Variants in DOCK3 observed in about 807,000 individuals in gnomAD.
The protein encoded by DOCK3 is dedicator of cytokinesis protein 3.
Under a neutral mutation model 265.6 loss-of-function variants are expected in DOCK3, and 60 were observed. The ratio of observed to expected loss-of-function variants is 0.23; its 90% CI spans 0.18 to 0.28. The LOEUF (loss-of-function observed/expected upper bound fraction) is 0.28. Ranked by LOEUF, DOCK3 falls within the 10% of genes least tolerant of loss-of-function variation. DOCK3 has a pLI of 1.00. For synonymous variants in DOCK3, 881 were observed against 938.0 expected (o/e 0.94, Z 1.11); for missense variants, 1,981 against 2,594.3 (o/e 0.76, Z 5.14).
At chr3:51,266,184 C>T (rs1010508203) in intron 23 of DOCK3, among the ~76,000 whole-genome samples, 6 of 152,156 alleles carry the variant, frequency 3.9e-5, no homozygotes, top group African/African-American at 7.2e-5. Context: ...AGAGAGGACA[C>T]AGACAAATGG....
chr3:50,868,399 A>T, intron 3 of DOCK3, among the ~76,000 whole-genome samples: 1 of 151,664 alleles, frequency 6.6e-6, no homozygotes, highest in East Asian at 1.9e-4. Flanking sequence ...TGGAGACAGG[A>T]TCTCACTCTG....
chr3:51,321,505 G>A (rs917808286), intron 32 of DOCK3, among the ~76,000 whole-genome samples: 2 of 152,130 alleles, frequency 1.3e-5, no homozygotes, highest in Non-Finnish European at 2.9e-5. Context: ...AGTAGGCTTT[G>A]GAAGGTGGGT....
chr3:51,190,720 A>G (rs2087890514), intron 12 of DOCK3, among the ~76,000 whole-genome samples: 1 of 152,140 alleles, frequency 6.6e-6, no homozygotes, highest in South Asian at 2.1e-4. Context: ...CTGGTTTCTC[A>G]GGTGAGGGGT....
chr3:50,871,916 T>C (rs993993519), intron 3 of DOCK3, among the ~76,000 whole-genome samples: 1 of 152,224 alleles, frequency 6.6e-6, no homozygotes, highest in Non-Finnish European at 1.5e-5. Flanking sequence ...TAAATTTACC[T>C]GATAGAATTC....
At chr3:51,279,217 G>A (rs528368145) in intron 26 of DOCK3, among the ~76,000 whole-genome samples, 8 of 152,192 alleles carry the variant, frequency 5.3e-5, no homozygotes, top group East Asian at 3.9e-4. Flanking sequence ...ATGCCATTGC[G>A]CTCCAGACTG....
At chr3:51,199,097 C>A (rs2088520596) in intron 12 of DOCK3, among the ~76,000 whole-genome samples, 1 of 152,142 alleles carries the variant, frequency 6.6e-6, no homozygotes, top group African/African-American at 2.4e-5. Flanking sequence ...TCTACAGCTC[C>A]CAGCGTCAGC....
intron 27 of DOCK3, among the ~76,000 whole-genome samples, chr3:51,280,778 T>C (rs556467478): frequency 5.1e-4 from 78 of 152,284 alleles, no homozygotes; most frequent in Non-Finnish European, 1.0e-3. Context: ...CCTGTAGTCC[T>C]AGCTACTCTT....
At chr3:50,822,559 CAATCATAGCT>C (rs2044505704) in intron 2 of DOCK3, among the ~76,000 whole-genome samples, 1 of 151,946 alleles carries the variant, frequency 6.6e-6, no homozygotes, top group African/African-American at 2.4e-5. Flanking sequence ...GGCAGTGGTG[CAATCATAGCT>C]CACTGCAGCC....
At chr3:50,745,267 A>G (rs1264200125) in intron 1 of DOCK3, among the ~76,000 whole-genome samples, 2 of 151,984 alleles carry the variant, frequency 1.3e-5, no homozygotes, top group Non-Finnish European at 2.9e-5. Flanking sequence ...GCTGATCTCG[A>G]ACTCCCAACC....
At chr3:51,294,937 T>C (rs1324510016) in intron 27 of DOCK3, among the ~76,000 whole-genome samples, 1 of 152,236 alleles carries the variant, frequency 6.6e-6, no homozygotes, top group East Asian at 1.9e-4. Context: ...GTGATGAATA[T>C]GCTAATTAGC....
intron 5 of DOCK3, among the ~76,000 whole-genome samples, chr3:50,998,257 A>G (rs2078351917): frequency 6.6e-6 from 1 of 152,234 alleles, no homozygotes; most frequent in African/African-American, 2.4e-5. Flanking sequence ...GATGTACTCC[A>G]GACCTGGGAC....
chr3:51,126,761 GATTTC>G (rs1213169304), intron 9 of DOCK3, among the ~76,000 whole-genome samples: 1 of 152,072 alleles, frequency 6.6e-6, no homozygotes, highest in African/African-American at 2.4e-5. Flanking sequence ...ATAAGTACGT[GATTTC>G]TTTTTTTAAC....
chr3:50,879,450 G>T (rs1247456806), intron 3 of DOCK3, among the ~76,000 whole-genome samples: 1 of 139,692 alleles, frequency 7.2e-6, no homozygotes, highest in African/African-American at 2.9e-5. Context: ...CAAGCAAATG[G>T]AAAACAAAAA....
At chr3:51,027,466 G>A (rs963513228) in intron 5 of DOCK3, among the ~76,000 whole-genome samples, 1 of 151,984 alleles carries the variant, frequency 6.6e-6, no homozygotes, top group Non-Finnish European at 1.5e-5. Flanking sequence ...TATTGGTTAA[G>A]TATCCAATTT....
chr3:50,938,614 A>G (rs1480897324), intron 5 of DOCK3, among the ~76,000 whole-genome samples: 1 of 152,194 alleles, frequency 6.6e-6, no homozygotes, highest in East Asian at 1.9e-4. Context: ...CAAGAAAAAA[A>G]GAAAACAAGA....
chr3:50,804,948 C>T (rs772389603), intron 2 of DOCK3, among the ~76,000 whole-genome samples: 32 of 152,252 alleles, frequency 2.1e-4, no homozygotes, highest in Non-Finnish European at 2.8e-4. Flanking sequence ...AATCATCTGT[C>T]TTCTCTTGTA....
rs530152174 is a variant in DOCK3 at position 50,772,125 on chromosome 3, G to T, written c.38-6550G>T. ...ACTATTCAATCATAAAGAAGAATGA[G>T]ATCCTTTTATTTGCAACAACATGGG... On this transcript the variant is annotated intron_variant, in intron 1 of 52. Coordinates refer to ENST00000266037, the MANE Select transcript of DOCK3 (RefSeq NM_004947.5). Among the ~76,000 whole-genome samples the T allele has an allele frequency of 4.6e-5, 7 of 152,292 alleles. No homozygotes were observed. The South Asian group carries it at 1.5e-3, about 32-fold the overall frequency.
At chr3:51,089,126 A>G (rs946839794) in intron 7 of DOCK3, 117 bp from the exon 8 acceptor site, 2 of 1,063,080 alleles carry the variant, frequency 1.9e-6, no homozygotes, top group Admixed American at 2.3e-5. Flanking sequence ...AAGTTATCAG[A>G]ATTAAATGAG....
chr3:50,968,793 A>C (rs973036831), intron 5 of DOCK3, among the ~76,000 whole-genome samples: 1 of 152,178 alleles, frequency 6.6e-6, no homozygotes, highest in Non-Finnish European at 1.5e-5. Context: ...CAAGTGATCC[A>C]CGTGCCTCGG....
Sources: allele counts gnomAD v4.1 joint callset (sites outside exome capture counted in the v4.1 genomes callset), GRCh38; gene constraint gnomAD v4.1.1; transcripts MANE v1.5; gene names NCBI Gene and HGNC (gene_info 2026-07-23, HGNC 2026-07-21).